Variants in KIRREL3 observed in about 807,000 individuals in gnomAD.
The protein encoded by KIRREL3 is kin of IRRE-like protein 3.
Under a neutral mutation model 89.7 loss-of-function variants are expected in KIRREL3, and 36 were observed. The ratio of observed to expected loss-of-function variants is 0.40; its 90% CI spans 0.31 to 0.53. The LOEUF is 0.53. Among genes scored for constraint, KIRREL3 ranks in the 20% least tolerant of loss-of-function variants. The pLI is 0.49. For missense variants in KIRREL3, 864 were observed against 1,056.6 expected (o/e 0.82, Z 2.53); for synonymous variants, 445 against 441.4 (o/e 1.01, Z -0.10).
intron 1 of KIRREL3, among the ~76,000 whole-genome samples, chr11:126,967,583 T>A (rs1233209838): frequency 1.3e-5 from 2 of 151,922 alleles, no homozygotes. Context: ...ACTTGTTACA[T>A]CCATCTCAGA....
In KIRREL3 at chr11:126,609,893, A is replaced by T. The variant is rs1298157738; in HGVS notation, c.56-46981T>A. 6.6e-6 allele frequency among the ~76,000 whole-genome samples: 1 copy of T among 152,204 alleles called. No individual in the cohort carries two copies. The highest frequency in any genetic ancestry group is 6.5e-5 in the Admixed American group (1 of 15,286). On this transcript the variant is annotated intron_variant, in intron 1 of 16. Coordinates refer to ENST00000525144, the MANE Select transcript of KIRREL3 (RefSeq NM_032531.4). The surrounding 1 kb of genome is among the most constrained non-coding windows in gnomAD (Gnocchi z 5.0). Reference sequence around the variant, plus strand: ...AACATTAATAGAACCTGATGATGCGATAGGCACCGAGATAAGAATTTTATG... The same window carrying T: ...AACATTAATAGAACCTGATGATGCGTTAGGCACCGAGATAAGAATTTTATG...
chr11:126,667,043 T>A (rs1945694741), intron 1 of KIRREL3, among the ~76,000 whole-genome samples: 1 of 151,796 alleles, frequency 6.6e-6, no homozygotes, highest in Non-Finnish European at 1.5e-5. Flanking sequence ...CATCATTTTG[T>A]ACAATTTATT....
At chr11:126,461,117 A>G (rs1956525261) in intron 6 of KIRREL3, among the ~76,000 whole-genome samples, 1 of 152,248 alleles carries the variant, frequency 6.6e-6, no homozygotes, top group Admixed American at 6.5e-5. Flanking sequence ...TCATTTGGCC[A>G]AATCAGACAA....
Position 126,635,516 on chromosome 11 carries a change from A to G in KIRREL3, c.56-72604T>C, listed in dbSNP as rs910075921. ...TGGACAGAAGGCTGAACAGTGGCTGATGGCCTGGAGGAGGAGATAGGGAGG... is the reference window on the plus strand; with the variant it reads ...TGGACAGAAGGCTGAACAGTGGCTGGTGGCCTGGAGGAGGAGATAGGGAGG... On this transcript the variant is annotated intron_variant, in intron 1 of 16. Transcript: ENST00000525144. This position sits in a 1 kb window ranked among gnomAD's most constrained non-coding sequence, Gnocchi z 4.0. Among the ~76,000 whole-genome samples, 3 of 152,178 alleles carry G rather than the reference A, an allele frequency of 2.0e-5. No individual in the cohort carries two copies. The highest frequency in any genetic ancestry group is 7.2e-5 in the African/African-American group (3 of 41,454).
In KIRREL3 at chr11:126,999,772, C is replaced by T. The variant is rs1178059175; in HGVS notation, c.55+683G>A. On this transcript the variant is annotated intron_variant, in intron 1 of 16. Coordinates refer to ENST00000525144, the MANE Select transcript of KIRREL3 (RefSeq NM_032531.4). This position sits in a 1 kb window ranked among gnomAD's most constrained non-coding sequence, Gnocchi z 5.7. ...TCCGGAGAGTCCACCTGCTTCTCTGCCCCTGCTAGGCTGCAGAAAGGAAAC... is the reference window on the plus strand; with the variant it reads ...TCCGGAGAGTCCACCTGCTTCTCTGTCCCTGCTAGGCTGCAGAAAGGAAAC... Among the ~76,000 whole-genome samples, 10 of 152,172 alleles carry T rather than the reference C, an allele frequency of 6.6e-5. 1 individual carries two copies. Among genetic ancestry groups the T allele is most frequent in the Admixed American group, 6.5e-4 (10 of 15,286 alleles).
intron 2 of KIRREL3, among the ~76,000 whole-genome samples, chr11:126,552,889 T>C (rs1417694933): frequency 6.6e-6 from 1 of 151,800 alleles, no homozygotes; most frequent in African/African-American, 2.4e-5. Flanking sequence ...TTTAGCTGAG[T>C]TGGGAAAGAA....
At position 126,474,505 on chromosome 11, in the gene KIRREL3, G is replaced by A. The variant is rs1053015333; in HGVS notation, c.434-1039C>T. ...GGCAGCCCTTCACAGTGGAGCCAGC[G>A]CTTCGGAGGGCTGTGTAAGCGCTGG... On this transcript the variant is annotated intron_variant, in intron 4 of 16. Coordinates refer to ENST00000525144, the MANE Select transcript of KIRREL3 (RefSeq NM_032531.4). The surrounding 1 kb of genome is among the most constrained non-coding windows in gnomAD (Gnocchi z 6.7). Among the ~76,000 whole-genome samples the A allele has an allele frequency of 2.0e-5, 3 of 152,358 alleles. No individual in the cohort carries two copies. Among genetic ancestry groups the A allele is most frequent in the South Asian group, 2.1e-4 (1 of 4,828 alleles).
At chr11:126,659,843 T>C (rs1397093144) in intron 1 of KIRREL3, among the ~76,000 whole-genome samples, 3 of 152,220 alleles carry the variant, frequency 2.0e-5, no homozygotes, top group Non-Finnish European at 4.4e-5. Flanking sequence ...GTGATTCTTA[T>C]GTTCAATAAA....
chr11:126,974,015 C>T (rs1591406775), intron 1 of KIRREL3, among the ~76,000 whole-genome samples: 1 of 152,250 alleles, frequency 6.6e-6, no homozygotes, highest in Middle Eastern at 3.4e-3. Context: ...GTCCTGTGTG[C>T]TCCCTGAGGG....
intron 1 of KIRREL3, among the ~76,000 whole-genome samples, chr11:126,923,190 T>C (rs202191802): frequency 0.015 from 158 of 10,336 alleles, 27 homozygotes; most frequent in Non-Finnish European, 0.018. Flanking sequence ...TCTTCTTCTC[T>C]TCTTCTTCTT....
At chr11:126,580,326 G>A (rs910810446) in intron 1 of KIRREL3, among the ~76,000 whole-genome samples, 1 of 152,214 alleles carries the variant, frequency 6.6e-6, no homozygotes, top group African/African-American at 2.4e-5. Context: ...AAGACACCAT[G>A]GCTGGGCTGG....
rs1949207987 is a variant in KIRREL3, at chr11:126,747,958, C to T, written c.56-185046G>A. Among the ~76,000 whole-genome samples the T allele has an allele frequency of 6.6e-6, 1 of 152,182 alleles. No individual in the cohort carries two copies. ...AGATGCGGCCTTCCCAGGTGACTTTCTGCTCTACTCTTTCTCAGTCTCCAT... is the reference window on the plus strand; with the variant it reads ...AGATGCGGCCTTCCCAGGTGACTTTTTGCTCTACTCTTTCTCAGTCTCCAT... On this transcript the variant is annotated intron_variant, in intron 1 of 16. Coordinates refer to ENST00000525144, the MANE Select transcript of KIRREL3 (RefSeq NM_032531.4). This position sits in a 1 kb window ranked among gnomAD's most constrained non-coding sequence, Gnocchi z 4.7.
chr11:126,673,502 G>C (rs2135067181), intron 1 of KIRREL3, among the ~76,000 whole-genome samples: 1 of 152,352 alleles, frequency 6.6e-6, no homozygotes, highest in South Asian at 2.1e-4. Flanking sequence ...CAGGACCCAA[G>C]GGGAAGGAGG....
rs1247506692 is a variant in KIRREL3 at position 126,687,450 on chromosome 11, C to T, written c.56-124538G>A. On this transcript the variant is annotated intron_variant, in intron 1 of 16. Transcript: ENST00000525144. The surrounding 1 kb of genome is among the most constrained non-coding windows in gnomAD (Gnocchi z 4.6). ...GAAATCTCACCCAGCTGGAAGCTCT[C>T]CTGTAAAGAATTCACAAAAATCCAC... 6.6e-6 allele frequency among the ~76,000 whole-genome samples: 1 copy of T among 152,110 alleles called. No individual in the cohort carries two copies. Among genetic ancestry groups the T allele is most frequent in the African/African-American group, 2.4e-5 (1 of 41,422 alleles).
chr11:126,445,612 G>A (rs369402305), intron 9 of KIRREL3, among the ~76,000 whole-genome samples: 240 of 152,320 alleles, frequency 1.6e-3, no homozygotes, highest in African/African-American at 5.3e-3. Flanking sequence ...CTTGGTCTGC[G>A]TTCGAATCCC....
In KIRREL3 at chr11:126,719,176, T is replaced by C. The variant is rs1948078781; in HGVS notation, c.56-156264A>G. On this transcript the variant is annotated intron_variant, in intron 1 of 16. Transcript: ENST00000525144. The surrounding 1 kb of genome is among the most constrained non-coding windows in gnomAD (Gnocchi z 4.7). ...TCATTCCGACACTCGGTAACCCACT[T>C]ATTCTGGTTTTGTCTCAAATCTAAA... Among the ~76,000 whole-genome samples, 1 of 152,324 alleles carries C rather than the reference T, an allele frequency of 6.6e-6. No homozygotes were observed. Among genetic ancestry groups the C allele is most frequent in the Non-Finnish European group, 1.5e-5 (1 of 68,028 alleles).
chr11:127,002,672 G>A (rs150307308), upstream of KIRREL3, among the ~76,000 whole-genome samples: 109 of 152,322 alleles, frequency 7.2e-4, no homozygotes, highest in African/African-American at 2.4e-3. Context: ...GCAGGGAATA[G>A]GACAAATACT....
chr11:126,625,262 T>C (rs971179233), intron 1 of KIRREL3, among the ~76,000 whole-genome samples: 2 of 152,138 alleles, frequency 1.3e-5, no homozygotes, highest in Non-Finnish European at 2.9e-5. Flanking sequence ...TAGGCTACAA[T>C]CCAGGTCTCA....
At chr11:126,707,835 CT>C (rs11383510) in intron 1 of KIRREL3, among the ~76,000 whole-genome samples, 29 of 147,450 alleles carry the variant, frequency 2.0e-4, no homozygotes, top group Non-Finnish European at 2.4e-4. Flanking sequence ...TTGTGATGAG[CT>C]TTTTTTTTTT....
Sources: gnomAD v4.1 joint callset for allele counts (sites outside exome capture counted in the v4.1 genomes callset) on GRCh38, gnomAD v4.1.1 for gene constraint, Gnocchi (gnomAD v3.1) non-coding constraint, MANE v1.5 for transcripts, NCBI Gene and HGNC (gene_info 2026-07-23, HGNC 2026-07-21) for gene names.